Variants in ADAMTSL1 observed in about 807,000 individuals in gnomAD.
ADAMTSL1 encodes the protein ADAMTS-like protein 1.
In ADAMTSL1, 126 loss-of-function variants were observed where a neutral mutation model predicts 201.8. The ratio of observed to expected loss-of-function variants is 0.62; its 90% CI spans 0.54 to 0.72. ADAMTSL1 has a LOEUF of 0.72. ADAMTSL1 is among the 30% of genes least tolerant of loss of function. The pLI, the probability that ADAMTSL1 is intolerant of heterozygous loss-of-function variation, is 0.00. For missense variants in ADAMTSL1, 2,679 were observed against 2,277.8 expected (o/e 1.18, Z -3.59); for synonymous variants, 1,121 against 903.4 (o/e 1.24, Z -4.32).
rs953183480 is a variant in ADAMTSL1, at chr9:18,446,774, G to T, written c.208-58055G>T. 3.9e-5 allele frequency among the ~76,000 whole-genome samples: 6 copies of T among 152,274 alleles called. No homozygotes were observed. In the East Asian group the frequency reaches 1.2e-3, roughly 29 times the overall value. ...ATGTCATCTAAAAAATAGTATTCTT[G>T]AACTTTCGGGTAATAGTGCTTGTCT... On this transcript the variant is annotated intron_variant, in intron 2 of 29. Coordinates refer to the ADAMTSL1 transcript ENST00000680146.
chr9:18,359,250 G>A (rs1392139787), intron 2 of ADAMTSL1, among the ~76,000 whole-genome samples: 4 of 151,906 alleles, frequency 2.6e-5, no homozygotes, highest in East Asian at 1.9e-4. Context: ...TCCCTCTATC[G>A]GGGCCCTTTT....
chr9:18,905,275 A>T (rs1470329399), intron 26 of ADAMTSL1, among the ~76,000 whole-genome samples: 3 of 152,198 alleles, frequency 2.0e-5, no homozygotes. Context: ...AATATGAGGG[A>T]GGACTCTGCA....
chr9:18,585,589 AC>A (rs1188706881), intron 4 of ADAMTSL1, among the ~76,000 whole-genome samples: 1 of 152,150 alleles, frequency 6.6e-6, no homozygotes, highest in Non-Finnish European at 1.5e-5. Flanking sequence ...ATTATATGAC[AC>A]CCTTTTCTGT....
intron 2 of ADAMTSL1, among the ~76,000 whole-genome samples, chr9:18,234,765 A>G (rs1056554130): frequency 1.3e-5 from 2 of 152,240 alleles, no homozygotes; most frequent in Non-Finnish European, 2.9e-5. Flanking sequence ...AATGCCTCCT[A>G]TGGATGTTTC....
At chr9:18,485,375 C>T (rs1821936392) in intron 1 of ADAMTSL1, among the ~76,000 whole-genome samples, 1 of 152,200 alleles carries the variant, frequency 6.6e-6, no homozygotes, top group South Asian at 2.1e-4. Context: ...TATGTGTCAA[C>T]ACATACTTTG....
chr9:18,896,879 A>T (rs1829671510), intron 26 of ADAMTSL1, among the ~76,000 whole-genome samples: 1 of 152,108 alleles, frequency 6.6e-6, no homozygotes, highest in Non-Finnish European at 1.5e-5. Flanking sequence ...GACAAGCAGC[A>T]TCATTCTGCA....
At chr9:18,658,038 C>G (rs1335067203) in intron 8 of ADAMTSL1, among the ~76,000 whole-genome samples, 2 of 148,894 alleles carry the variant, frequency 1.3e-5, no homozygotes, top group East Asian at 4.0e-4. Context: ...GCAGTGGCGC[C>G]ATCTCGGCTC....
intron 2 of ADAMTSL1, among the ~76,000 whole-genome samples, chr9:18,196,668 A>G (rs1430463979): frequency 6.6e-6 from 1 of 152,032 alleles, no homozygotes; most frequent in African/African-American, 2.4e-5. Flanking sequence ...TTTTCTTCCA[A>G]ATCCTGATCA....
chr9:18,100,987 C>T (rs779065643), intron 1 of ADAMTSL1, among the ~76,000 whole-genome samples: 2 of 152,118 alleles, frequency 1.3e-5, no homozygotes, highest in Non-Finnish European at 2.9e-5. Flanking sequence ...CTTGTCCTCG[C>T]CTGCATGTAG....
intron 13 of ADAMTSL1, among the ~76,000 whole-genome samples, chr9:18,698,082 T>G (rs1408170301): frequency 6.6e-6 from 1 of 152,212 alleles, no homozygotes; most frequent in Non-Finnish European, 1.5e-5. Flanking sequence ...CTTAGAGTAG[T>G]GCCTGGCACA....
intron 4 of ADAMTSL1, among the ~76,000 whole-genome samples, chr9:18,608,294 C>T (rs1338998004): frequency 6.6e-6 from 1 of 152,128 alleles, no homozygotes; most frequent in Non-Finnish European, 1.5e-5. Context: ...TAAAAAATTT[C>T]TGAACTTAAA....
At chr9:18,041,798 T>A in intron 1 of ADAMTSL1, among the ~76,000 whole-genome samples, 1 of 152,076 alleles carries the variant, frequency 6.6e-6, no homozygotes, top group Non-Finnish European at 1.5e-5. Flanking sequence ...ATATCCCAAA[T>A]CAGCTGAGGA....
At chr9:18,775,684 A>T (rs919673858) in intron 17 of ADAMTSL1, 59 bp from the exon 18 acceptor site, 4 of 1,573,448 alleles carry the variant, frequency 2.5e-6, no homozygotes, top group Non-Finnish European at 3.5e-6. Flanking sequence ...ACAGTCTATT[A>T]AAAAATTAGC....
At chr9:18,316,692 T>C (rs1834409578) in intron 2 of ADAMTSL1, among the ~76,000 whole-genome samples, 1 of 152,160 alleles carries the variant, frequency 6.6e-6, no homozygotes, top group South Asian at 2.1e-4. Context: ...ATGCAGTTAA[T>C]GCAATTATTC....
chr9:18,403,341 G>A (rs1563937413), intron 2 of ADAMTSL1, among the ~76,000 whole-genome samples: 2 of 151,792 alleles, frequency 1.3e-5, no homozygotes, highest in East Asian at 1.9e-4. Flanking sequence ...ACACCACCAT[G>A]CCCAGCTAAT....
chr9:18,684,950 T>TTCAAAAAGTGTTTG, intron 13 of ADAMTSL1, 150 bp downstream of exon 13: 1 of 1,396,558 alleles, frequency 7.2e-7, no homozygotes, highest in Non-Finnish European at 9.3e-7. Flanking sequence ...ATTGATTAGT[T>TTCAAAAAGTGTTTG]TCAAAAAGTG....
At chr9:18,721,719 C>T in intron 15 of ADAMTSL1, 54 bp downstream of exon 15, 1 of 1,577,718 alleles carries the variant, frequency 6.3e-7, no homozygotes, top group Middle Eastern at 1.7e-4. Flanking sequence ...GAACTGGGCG[C>T]ATCTTTCAGT....
chr9:18,169,265 C>T (rs1480079050), intron 2 of ADAMTSL1, among the ~76,000 whole-genome samples: 1 of 151,766 alleles, frequency 6.6e-6, no homozygotes, highest in Non-Finnish European at 1.5e-5. Context: ...TTAGGTCTAA[C>T]ATTTAAGTCT....
At chr9:18,361,905 C>G (rs555701221) in intron 2 of ADAMTSL1, among the ~76,000 whole-genome samples, 143 of 152,262 alleles carry the variant, frequency 9.4e-4, no homozygotes, top group Middle Eastern at 3.4e-3. Context: ...CTTCCAATCC[C>G]TGCTTAGTAG....
Sources: allele counts gnomAD v4.1 joint callset (sites outside exome capture counted in the v4.1 genomes callset), GRCh38; gene constraint gnomAD v4.1.1; transcripts MANE v1.5; gene names NCBI Gene and HGNC (gene_info 2026-07-23, HGNC 2026-07-21).